Variants in ALOX5AP observed in about 807,000 individuals in gnomAD.
The protein encoded by ALOX5AP is arachidonate 5-lipoxygenase activating protein, also known as arachidonate 5-lipoxygenase-activating protein.
ALOX5AP carries 9 observed loss-of-function variants against 18.5 expected under a neutral mutation model. The observed-to-expected ratio is 0.49, with a 90% CI of 0.29 to 0.85. The LOEUF is 0.85. Ranked by LOEUF, ALOX5AP falls within the 40% of genes least tolerant of loss-of-function variation. ALOX5AP has a pLI of 0.08. For missense variants in ALOX5AP, 172 were observed against 202.5 expected, an observed-to-expected ratio of 0.85 and a Z score of 0.91; for synonymous variants, 81 against 78.6, an observed-to-expected ratio of 1.03 and a Z score of -0.16.
chr13:30,730,950 T>C (rs1208732819), upstream of ALOX5AP, among the ~76,000 whole-genome samples: 2 of 152,194 alleles, frequency 1.3e-5, no homozygotes, highest in Non-Finnish European at 2.9e-5. Flanking sequence ...TCCCAGCATA[T>C]TTGTCTAACT....
intron 1 of ALOX5AP, among the ~76,000 whole-genome samples, chr13:30,727,732 C>T (rs796658700): frequency 4.6e-5 from 7 of 152,270 alleles, no homozygotes; most frequent in East Asian, 1.9e-4. Flanking sequence ...ATCAGATTCT[C>T]CTGCAGAAAG....
intron 1 of ALOX5AP, among the ~76,000 whole-genome samples, chr13:30,730,167 A>T (rs1013780534): frequency 2.6e-5 from 4 of 152,246 alleles, no homozygotes; most frequent in African/African-American, 9.6e-5. Flanking sequence ...TGTGAAGTTT[A>T]ATCAATAGCA....
At chr13:30,722,041 C>A (rs1371651617) in intron 1 of ALOX5AP, among the ~76,000 whole-genome samples, 1 of 152,216 alleles carries the variant, frequency 6.6e-6, no homozygotes, top group East Asian at 1.9e-4. Flanking sequence ...AAGTGCCCGG[C>A]TGACAGATTG....
At chr13:30,743,842 G>A (rs931966439) in intron 1 of ALOX5AP, among the ~76,000 whole-genome samples, 6 of 152,038 alleles carry the variant, frequency 3.9e-5, no homozygotes, top group African/African-American at 1.5e-4. Flanking sequence ...GAAAGTGGGG[G>A]CCGTGCCTTG....
intron 4 of ALOX5AP, 111 bp downstream of exon 4, chr13:30,756,136 T>G (rs1951891848): frequency 9.5e-7 from 1 of 1,050,818 alleles, no homozygotes; most frequent in African/African-American, 1.6e-5. Context: ...TAGCATCCCC[T>G]TGGGTGGGAG....
intron 1 of ALOX5AP, among the ~76,000 whole-genome samples, chr13:30,718,441 C>T (rs1259333367): frequency 2.7e-5 from 4 of 150,526 alleles, no homozygotes; most frequent in African/African-American, 9.8e-5. Context: ...TACACACTGC[C>T]TTATTGCTCA....
At chr13:30,730,086 G>T (rs552573786) in intron 1 of ALOX5AP, among the ~76,000 whole-genome samples, 1 of 152,346 alleles carries the variant, frequency 6.6e-6, no homozygotes, top group Non-Finnish European at 1.5e-5. Flanking sequence ...TTCGCTTAGC[G>T]CAGATATGAT....
chr13:30,729,850 A>C (rs1405587645), intron 1 of ALOX5AP, among the ~76,000 whole-genome samples: 1 of 152,196 alleles, frequency 6.6e-6, no homozygotes, highest in African/African-American at 2.4e-5. Flanking sequence ...TTTTGTGATT[A>C]TAGGCATGAG....
intron 1 of ALOX5AP, among the ~76,000 whole-genome samples, chr13:30,724,529 G>A (rs1023883875): frequency 6.6e-6 from 1 of 152,138 alleles, no homozygotes. Flanking sequence ...TGCTTAAAGT[G>A]GCTGTGATGG....
chr13:30,735,482 T>A (rs1256890484), upstream of ALOX5AP: 42 of 1,506,008 alleles, frequency 2.8e-5, no homozygotes, highest in East Asian at 9.5e-4. Context: ...CACTGTGTAA[T>A]TGTGCCGGGG....
upstream of ALOX5AP, among the ~76,000 whole-genome samples, chr13:30,734,173 T>C (rs1344240989): frequency 6.6e-6 from 1 of 152,206 alleles, no homozygotes; most frequent in African/African-American, 2.4e-5. Context: ...GTCTATACTC[T>C]ACAAAGTGCC....
chr13:30,755,631 G>A (rs1319665847), intron 3 of ALOX5AP, among the ~76,000 whole-genome samples: 3 of 152,018 alleles, frequency 2.0e-5, no homozygotes, highest in Non-Finnish European at 4.4e-5. Context: ...AAGAAAAAAC[G>A]TTGCAAAAAA....
chr13:30,755,430 C>T (rs1199791180), intron 3 of ALOX5AP, among the ~76,000 whole-genome samples: 1 of 152,144 alleles, frequency 6.6e-6, no homozygotes, highest in African/African-American at 2.4e-5. Flanking sequence ...CACCTGAACC[C>T]ACGTTTCCAC....
At chr13:30,730,551 C>A (rs997609479), upstream of ALOX5AP, among the ~76,000 whole-genome samples, 2 of 152,212 alleles carry the variant, frequency 1.3e-5, no homozygotes, top group African/African-American at 2.4e-5. Context: ...ACAGACCCCA[C>A]CTCCTGCTCC....
rs1190305807 is a variant in ALOX5AP, at chr13:30,741,553, C to T, written c.71-2507C>T. Reference sequence around the variant, plus strand: ...CTAGGATTACAGGCCCCTCCCCACCCCCACCCCCCAACAACTGGCTAATTT... The same window carrying T: ...CTAGGATTACAGGCCCCTCCCCACCTCCACCCCCCAACAACTGGCTAATTT... On this transcript the variant is annotated intron_variant, in intron 1 of 4. Coordinates refer to ENST00000380490, the MANE Select transcript of ALOX5AP (RefSeq NM_001629.4). Among the ~76,000 whole-genome samples, 21 of 5,482 alleles carry T rather than the reference C, an allele frequency of 3.8e-3. 3 individuals are homozygous for T. The highest frequency in any genetic ancestry group is 6.9e-3 in the Non-Finnish European group (20 of 2,910). 3.6% of individuals were successfully genotyped at this position (5,482 alleles called of 152,430 possible). A position where few individuals can be genotyped will look rare whatever the true frequency, so the allele number is the denominator to read the frequency against.
At chr13:30,751,137 C>T (rs971780067) in intron 2 of ALOX5AP, among the ~76,000 whole-genome samples, 5 of 152,140 alleles carry the variant, frequency 3.3e-5, no homozygotes, top group African/African-American at 7.2e-5. Flanking sequence ...GATCTTGGCT[C>T]GCTGCAACCT....
chr13:30,764,316 G>T lies in ALOX5AP; in HGVS notation c.*210G>T. 4.0e-6 allele frequency: 2 copies of T among 499,998 alleles called. No individual in the cohort carries two copies. Among genetic ancestry groups the T allele is most frequent in the East Asian group, 6.8e-5 (2 of 29,616 alleles). 31.0% of individuals were successfully genotyped at this position (499,998 alleles called of 1,614,324 possible). ...TGAACATGACCGTGGCCCCAAATTTGCTATTCCCATGCATTTTGTTTGTTT... is the reference window on the plus strand; with the variant it reads ...TGAACATGACCGTGGCCCCAAATTTTCTATTCCCATGCATTTTGTTTGTTT... On this transcript the variant is annotated 3_prime_UTR_variant, in exon 5 of 5. Coordinates refer to ENST00000380490, the MANE Select transcript of ALOX5AP (RefSeq NM_001629.4).
intron 1 of ALOX5AP, among the ~76,000 whole-genome samples, chr13:30,717,965 C>CTG (rs112268731): frequency 7.6e-5 from 11 of 144,194 alleles, no homozygotes; most frequent in African/African-American, 2.8e-4. Flanking sequence ...TTTATTTTTT[C>CTG]TTTTTTTTTT....
At chr13:30,735,949 A>T (rs1307882407) in intron 1 of ALOX5AP, among the ~76,000 whole-genome samples, 1 of 152,190 alleles carries the variant, frequency 6.6e-6, no homozygotes, top group African/African-American at 2.4e-5. Flanking sequence ...TAAAACCCTC[A>T]CCGAAGTGTC....
Sources: allele counts gnomAD v4.1 joint callset (sites outside exome capture counted in the v4.1 genomes callset), GRCh38; gene constraint gnomAD v4.1.1; transcripts MANE v1.5; gene names NCBI Gene and HGNC (gene_info 2026-07-23, HGNC 2026-07-21).